AVEN: variants seen among roughly 807,000 people sequenced by gnomAD.
AVEN encodes the protein apoptosis and caspase activation inhibitor, also known as cell death regulator Aven.
Under a neutral mutation model 38.1 loss-of-function variants are expected in AVEN, and 41 were observed. The observed-to-expected ratio is 1.08, with a 90% CI of 0.84 to 1.40. AVEN has a LOEUF of 1.40. AVEN is among the 40% of genes most tolerant of loss of function. AVEN has a pLI of 0.00. For synonymous variants in AVEN, 206 were observed against 171.8 expected (o/e 1.20, Z -1.56); for missense variants, 605 against 438.8 (o/e 1.38, Z -3.38).
At chr15:33,861,755 A>G (rs1245406553), downstream of AVEN, among the ~76,000 whole-genome samples, 3 of 152,112 alleles carry the variant, frequency 2.0e-5, no homozygotes, top group Non-Finnish European at 4.4e-5. Context: ...GTCTTTTCTC[A>G]TTAATAGCTA....
intron 2 of AVEN, among the ~76,000 whole-genome samples, chr15:33,966,118 T>A (rs566163020): frequency 3.6e-4 from 55 of 152,272 alleles, no homozygotes; most frequent in Non-Finnish European, 5.9e-4. Flanking sequence ...AATACACTCA[T>A]AATCTATTAT....
chr15:34,021,718 G>A (rs1898207300), intron 1 of AVEN, among the ~76,000 whole-genome samples: 2 of 152,104 alleles, frequency 1.3e-5, no homozygotes, highest in Non-Finnish European at 1.5e-5. Flanking sequence ...AACTGGACAT[G>A]GTGGCAGGTG....
intron 2 of AVEN, among the ~76,000 whole-genome samples, chr15:33,962,399 A>G (rs932397416): frequency 1.3e-5 from 2 of 152,248 alleles, no homozygotes; most frequent in African/African-American, 4.8e-5. Context: ...ATCTCCAGCC[A>G]CAGTTACTCA....
At chr15:33,948,179 C>T (rs1470890200) in intron 2 of AVEN, among the ~76,000 whole-genome samples, 3 of 150,544 alleles carry the variant, frequency 2.0e-5, no homozygotes, top group African/African-American at 7.3e-5. Context: ...CTCACTGCAA[C>T]CTCCGCCTCC....
intron 2 of AVEN, among the ~76,000 whole-genome samples, chr15:33,910,133 CA>C (rs11313496): frequency 0.59 from 72,515 of 123,906 alleles, 19,067 homozygotes; most frequent in Middle Eastern, 0.69. Flanking sequence ...GACTCCATCT[CA>C]AAAAAAAAAA....
chr15:33,980,365 T>G (rs1388594734), intron 2 of AVEN, among the ~76,000 whole-genome samples: 1 of 152,200 alleles, frequency 6.6e-6, no homozygotes, highest in African/African-American at 2.4e-5. Context: ...TGCAACAGCC[T>G]GCTCTAACGT....
Position 33,866,299 on chromosome 15 carries a change from G to C in AVEN, c.*314C>G, listed in dbSNP as rs1298785880. The C allele has an allele frequency of 3.3e-6, 1 of 307,398 alleles. No homozygotes were observed. Among genetic ancestry groups the C allele is most frequent in the African/African-American group, 2.1e-5 (1 of 46,942 alleles). The allele number at this position is 307,398 out of a possible 1,614,324, so 19.0% of individuals were successfully genotyped here. ...GCATCTATTCTCTTAATCAGCAGCAGCATCTGCTATGCTGTAAACACTGGC... is the reference window on the plus strand; with the variant it reads ...GCATCTATTCTCTTAATCAGCAGCACCATCTGCTATGCTGTAAACACTGGC... On this transcript the variant is annotated 3_prime_UTR_variant, in exon 6 of 6. Transcript: ENST00000306730.
At chr15:33,959,819 G>T (rs1254248933) in intron 2 of AVEN, among the ~76,000 whole-genome samples, 1 of 152,182 alleles carries the variant, frequency 6.6e-6, no homozygotes, top group Non-Finnish European at 1.5e-5. Flanking sequence ...CATGGAATGT[G>T]ACAACAGAAT....
At chr15:33,978,638 G>C (rs925303584) in intron 2 of AVEN, among the ~76,000 whole-genome samples, 1 of 151,916 alleles carries the variant, frequency 6.6e-6, no homozygotes, top group Non-Finnish European at 1.5e-5. Flanking sequence ...ATGCCAGCCT[G>C]GGTGACAGAG....
intron 2 of AVEN, among the ~76,000 whole-genome samples, chr15:33,939,117 A>G (rs1157839932): frequency 6.6e-6 from 1 of 152,198 alleles, no homozygotes; most frequent in Non-Finnish European, 1.5e-5. Context: ...CTGGGATTAC[A>G]GGCATGAGCC....
chr15:33,888,651 ATTG>A lies in AVEN; in HGVS notation c.446-12659_446-12657del, dbSNP rs373899995. On this transcript the variant is annotated intron_variant, in intron 2 of 5. Coordinates refer to ENST00000306730, the MANE Select transcript of AVEN (RefSeq NM_020371.3). ...TAGTCAATGTAACTCCAATCAAATT[ATTG>A]TTAATGTTTTATAGTCAATATATTT... Among the ~76,000 whole-genome samples, 478 of 152,268 alleles carry A rather than the reference ATTG, an allele frequency of 3.1e-3. 1 individual carries two copies. Among genetic ancestry groups the A allele is most frequent in the African/African-American group, 9.4e-3 (389 of 41,568 alleles).
intron 2 of AVEN, among the ~76,000 whole-genome samples, chr15:33,975,987 T>C (rs954062561): frequency 1.3e-5 from 2 of 152,208 alleles, no homozygotes; most frequent in Non-Finnish European, 2.9e-5. Flanking sequence ...TAGTATTATT[T>C]CACCTAACAA....
intron 2 of AVEN, among the ~76,000 whole-genome samples, chr15:33,906,309 G>C (rs16958306): frequency 0.066 from 9,984 of 152,224 alleles, 970 homozygotes; most frequent in African/African-American, 0.2. Flanking sequence ...AGGGGCTTCA[G>C]AGATTAACTG....
At chr15:33,989,081 T>G (rs73387904) in intron 2 of AVEN, among the ~76,000 whole-genome samples, 2,244 of 152,270 alleles carry the variant, frequency 0.015, 70 homozygotes, top group African/African-American at 0.053. Flanking sequence ...TTTTTAATCA[T>G]CTTTCAAGTT....
intron 3 of AVEN, among the ~76,000 whole-genome samples, chr15:33,872,297 T>C (rs10152764): frequency 0.035 from 5,253 of 152,150 alleles, 291 homozygotes; most frequent in African/African-American, 0.11. Flanking sequence ...CATAAGACTC[T>C]GAGTGTCCAG....
intron 2 of AVEN, among the ~76,000 whole-genome samples, chr15:33,932,884 A>G (rs1057032456): frequency 6.7e-6 from 1 of 148,352 alleles, no homozygotes; most frequent in African/African-American, 2.5e-5. Flanking sequence ...ATCTTGACAC[A>G]TCAGTGGTTT....
At chr15:33,854,237 CTT>C (rs2079407486), downstream of AVEN, among the ~76,000 whole-genome samples, 1 of 151,710 alleles carries the variant, frequency 6.6e-6, no homozygotes, top group South Asian at 2.1e-4. Context: ...CAACTGTTCT[CTT>C]GTCTCATGGG....
intron 5 of AVEN, among the ~76,000 whole-genome samples, chr15:34,054,248 A>G (rs1440351287): frequency 6.6e-6 from 1 of 152,224 alleles, no homozygotes; most frequent in Non-Finnish European, 1.5e-5. Flanking sequence ...AATTAGTTCA[A>G]CCATTGTGGA....
intron 2 of AVEN, among the ~76,000 whole-genome samples, chr15:33,997,190 T>C (rs1398121663): frequency 6.6e-6 from 1 of 152,118 alleles, no homozygotes; most frequent in African/African-American, 2.4e-5. Flanking sequence ...GATAGAAAAT[T>C]GATAAATTCA....
Sources: gnomAD v4.1 joint callset for allele counts (sites outside exome capture counted in the v4.1 genomes callset) on GRCh38, gnomAD v4.1.1 for gene constraint, MANE v1.5 for transcripts, NCBI Gene and HGNC (gene_info 2026-07-23, HGNC 2026-07-21) for gene names.